TDRD6: variants seen among roughly 807,000 people sequenced by gnomAD.
TDRD6 encodes tudor domain-containing protein 6.
Under a neutral mutation model 157.5 loss-of-function variants are expected in TDRD6, and 186 were observed. That is an observed-to-expected ratio of 1.18 (90% CI 1.05 to 1.33). The LOEUF (loss-of-function observed/expected upper bound fraction) is 1.33. Ranked by LOEUF, TDRD6 falls within the 40% of genes most tolerant of loss-of-function variation. TDRD6 has a pLI of 0.00. For synonymous variants in TDRD6, 1,075 were observed against 945.2 expected (o/e 1.14, Z -2.52); for missense variants, 3,066 against 2,508.0 (o/e 1.22, Z -4.75).
Position 46,692,765 on chromosome 6 carries a change from G to GT in TDRD6, c.4640dup (p.Leu1547PhefsTer40). 1 of 1,614,208 alleles carries GT rather than the reference G, an allele frequency of 6.2e-7. No individual in the cohort carries two copies. The highest frequency in any genetic ancestry group is 8.5e-7 in the Non-Finnish European group (1 of 1,180,026). On this transcript the variant is annotated frameshift_variant, in exon 1 of 4. Transcript: ENST00000316081. LOFTEE classifies it high-confidence loss of function. ...TTTGCTGATACGGAGAAACTTCAGT[G>GT]TTTAGAAGTAGAAGTACAGACTGCT... is the stretch of plus-strand genomic sequence containing the variant.
At chr6:46,696,049 C>A in intron 2 of TDRD6, 104 bp downstream of exon 2, 1 of 1,261,268 alleles carries the variant, frequency 7.9e-7, no homozygotes, top group Non-Finnish European at 1.1e-6. Context: ...CAAATGTTTA[C>A]TTGCTTGTTC....
rs1238525802 is a variant in TDRD6, at chr6:46,688,798, G to A, written c.670G>A (p.Val224Ile). 4 of 1,611,214 alleles carry A rather than the reference G, an allele frequency of 2.5e-6. No homozygotes were observed. Among genetic ancestry groups the A allele is most frequent in the East Asian group, 4.5e-5 (2 of 44,878 alleles). ...TAATASVGSGVPVLSRVPLKQ... is the reference protein window; with the variant it reads ...TAATASVGSGIPVLSRVPLKQ... ...GGCCACTGCTAGCGTGGGCTCCGGGGTCCCGGTTCTCTCGCGAGTCCCGCT... is the reference window on the plus strand; with the variant it reads ...GGCCACTGCTAGCGTGGGCTCCGGGATCCCGGTTCTCTCGCGAGTCCCGCT... Residue 224 changes from valine to isoleucine, a missense_variant, in exon 1 of 4, where the codon GTC becomes ATC. Coordinates refer to ENST00000316081, the MANE Select transcript of TDRD6 (RefSeq NM_001010870.3).
In TDRD6 at chr6:46,693,495, T is replaced by TA; in HGVS notation, c.5368dup (p.Thr1790AsnfsTer2). Reference sequence around the variant, plus strand: ...AAAACCCCTGCAAAGATAAAATTGATACTGAGGAACTGGAAGGTGAATTAG... The same window carrying TA: ...AAAACCCCTGCAAAGATAAAATTGATAACTGAGGAACTGGAAGGTGAATTAG... On this transcript the variant is annotated frameshift_variant, in exon 1 of 4. Transcript: ENST00000316081. LOFTEE classifies it high-confidence loss of function. The TA allele has an allele frequency of 6.2e-7, 1 of 1,613,810 alleles. No homozygotes were observed. The highest frequency in any genetic ancestry group is 8.5e-7 in the Non-Finnish European group (1 of 1,179,930).
Position 46,688,669 on chromosome 6 carries a change from C to T in TDRD6, c.541C>T (p.Leu181Phe), listed in dbSNP as rs1485490957. The T allele has an allele frequency of 6.3e-7, 1 of 1,599,928 alleles. No homozygotes were observed. Among genetic ancestry groups the T allele is most frequent in the Non-Finnish European group, 8.5e-7 (1 of 1,179,862 alleles). ...CGTGCTGCTGCTCCATCGCCTGGTC[C>T]TCCTGGAGGTGCCTGATGTGTTCCA... ...LDVLLLHRLV[L>F]LEVPDVFQQM... The change falls in exon 1 of 4, where the codon CTC becomes TTC. Residue 181 changes from leucine to phenylalanine, a missense_variant. Leu to Phe is a conservative substitution (Grantham distance 22). Coordinates refer to ENST00000316081, the MANE Select transcript of TDRD6 (RefSeq NM_001010870.3).
At position 46,690,361 on chromosome 6, in the gene TDRD6, G is replaced by GC. The variant is rs1562054515; in HGVS notation, c.2234dup (p.Ser746IlefsTer14). On this transcript the variant is annotated frameshift_variant, in exon 1 of 4. Transcript: ENST00000316081. LOFTEE classifies it high-confidence loss of function. ...AGTTGTGCAGGAAAAAGTGAAAAGA[G>GC]CATCTGTTTATTTTCCTCTTATGCA... The GC allele has an allele frequency of 6.2e-7, 1 of 1,613,666 alleles. No individual in the cohort carries two copies. The highest frequency in any genetic ancestry group is 8.5e-7 in the Non-Finnish European group (1 of 1,180,014).
chr6:46,699,374 G>A (rs1472622229), intron 3 of TDRD6, among the ~76,000 whole-genome samples: 1 of 152,176 alleles, frequency 6.6e-6, no homozygotes, highest in Non-Finnish European at 1.5e-5. Context: ...TGGCTAGAGA[G>A]ACGGGTCATC....
chr6:46,686,450 AC>A (rs1329944944), upstream of TDRD6, among the ~76,000 whole-genome samples: 2 of 150,766 alleles, frequency 1.3e-5, no homozygotes, highest in Non-Finnish European at 2.9e-5. Flanking sequence ...ACAGAGAGCT[AC>A]AAAATATAAT....
chr6:46,698,593 G>T (rs1764551927), intron 3 of TDRD6, among the ~76,000 whole-genome samples: 1 of 152,128 alleles, frequency 6.6e-6, no homozygotes, highest in Non-Finnish European at 1.5e-5. Flanking sequence ...ATTATGATGT[G>T]TCTGGGCATT....
intron 1 of TDRD6, among the ~76,000 whole-genome samples, chr6:46,694,738 GGTAATCACATTTAAAAT>G (rs919821413): frequency 1.3e-5 from 2 of 152,048 alleles, no homozygotes; most frequent in Non-Finnish European, 2.9e-5. Context: ...GTCTCCAAAA[GGTAATCACATTTAAAAT>G]GTAATCACAT....
At position 46,689,798 on chromosome 6, in the gene TDRD6, T is replaced by A. The variant is rs1362481188; in HGVS notation, c.1670T>A (p.Val557Asp). The A allele has an allele frequency of 1.2e-6, 2 of 1,614,076 alleles. No homozygotes were observed. Among genetic ancestry groups the A allele is most frequent in the Non-Finnish European group, 1.7e-6 (2 of 1,180,044 alleles). ...WKENGYYRAIVTKLDDKSVDV... is the reference protein window; with the variant it reads ...WKENGYYRAIDTKLDDKSVDV... The stretch of plus-strand genomic sequence containing the variant: ...GAAAATGGTTATTATAGGGCCATAG[T>A]CACCAAATTGGATGACAAGAGTGTG... Residue 557 changes from valine to aspartate, a missense_variant, in exon 1 of 4, where the codon GTC becomes GAC. Coordinates refer to ENST00000316081, the MANE Select transcript of TDRD6 (RefSeq NM_001010870.3).
In TDRD6 at chr6:46,691,747, G is replaced by A. The variant is rs761813208; in HGVS notation, c.3619G>A (p.Glu1207Lys). 36 of 1,591,492 alleles carry A rather than the reference G, an allele frequency of 2.3e-5. No homozygotes were observed. The highest frequency in any genetic ancestry group is 3.4e-4 in the Middle Eastern group (2 of 5,934). ...KSVGYKLPNK[E>K]ILEESYKPQI... ...AGTAGGGTACAAGTTACCTAATAAAGAAATTTTGGAAGAGTCATATAAACC... is the reference window on the plus strand; with the variant it reads ...AGTAGGGTACAAGTTACCTAATAAAAAAATTTTGGAAGAGTCATATAAACC... Residue 1207 changes from glutamate to lysine, a missense_variant, in exon 1 of 4, where the codon GAA becomes AAA. Physicochemically the swap from Glu to Lys is moderately conservative, Grantham distance 56. Transcript: ENST00000316081.
chr6:46,691,652 C>A lies in TDRD6; in HGVS notation c.3524C>A (p.Ser1175Tyr). 1.2e-6 allele frequency: 2 copies of A among 1,612,888 alleles called. No individual in the cohort carries two copies. Among genetic ancestry groups the A allele is most frequent in the South Asian group, 1.1e-5 (1 of 90,942 alleles). ...IRKKESEVLC[S>Y]TTETLEEKNE... The stretch of plus-strand genomic sequence containing the variant: ...AAAAAAGAAAGTGAAGTCCTCTGTT[C>A]TACAACTGAAACTCTTGAAGAAAAA... The change falls in exon 1 of 4, where the codon TCT (serine) becomes TAT (tyrosine). Residue 1175 changes from serine (S) to tyrosine (Y), a missense_variant. By Grantham distance (144) the Ser-to-Tyr change is moderately radical (BLOSUM62 -2). Transcript: ENST00000316081.
upstream of TDRD6, among the ~76,000 whole-genome samples, chr6:46,683,526 CTATT>C (rs202189434): frequency 8.7e-4 from 132 of 151,950 alleles, no homozygotes; most frequent in East Asian, 0.017. Context: ...TCAAAAGACA[CTATT>C]TAAGGGAATA....
chr6:46,686,613 GA>G (rs1239894593), upstream of TDRD6, among the ~76,000 whole-genome samples: 4 of 151,918 alleles, frequency 2.6e-5, no homozygotes, highest in South Asian at 2.1e-4. Flanking sequence ...GAAACAATTA[GA>G]AAAAAAATGG....
chr6:46,688,012 A>G lies in TDRD6; in HGVS notation c.-117A>G, dbSNP rs1764152791. The G allele has an allele frequency of 7.3e-7, 1 of 1,368,242 alleles. No homozygotes were observed. The highest frequency in any genetic ancestry group is 1.5e-5 in the African/African-American group (1 of 64,842). The allele number at this position is 1,368,242 out of a possible 1,614,324, so 84.8% of individuals were successfully genotyped here. A position where few individuals can be genotyped will look rare whatever the true frequency, so the allele number is the denominator to read the frequency against. The stretch of plus-strand genomic sequence containing the variant: ...GGCCTCGCCGGCATTCTTCCCCTCC[A>G]CTGGGTCCTTTGAACCTAGTTTGGC... On this transcript the variant is annotated 5_prime_UTR_variant, in exon 1 of 4. Transcript: ENST00000316081.
chr6:46,694,120 G>C lies in TDRD6; in HGVS notation c.5992G>C (p.Glu1998Gln). The C allele has an allele frequency of 6.2e-7, 1 of 1,600,060 alleles. No homozygotes were observed. The highest frequency in any genetic ancestry group is 1.1e-5 in the South Asian group (1 of 88,046). The change falls in exon 1 of 4, where the codon GAA (glutamate) becomes CAA (glutamine). Residue 1998 changes from glutamate (E) to glutamine (Q), a missense_variant. Physicochemically the swap from Glu to Gln is conservative, Grantham distance 29. Transcript: ENST00000316081. Reference sequence around the variant, plus strand: ...GGCATTGATGCCTTTGTTCTCTGAGGAAGAAAGCAGTGATGGAAGCAAGCA... The same window carrying C: ...GGCATTGATGCCTTTGTTCTCTGAGCAAGAAAGCAGTGATGGAAGCAAGCA... ...ISALMPLFSE[E>Q]ESSDGSKHNN...
upstream of TDRD6, among the ~76,000 whole-genome samples, chr6:46,685,353 T>C (rs886827257): frequency 1.3e-5 from 2 of 152,188 alleles, no homozygotes; most frequent in East Asian, 3.8e-4. Flanking sequence ...ATAGAAACTA[T>C]AGACTGTAAA....
rs1198626708 is a variant in TDRD6 at position 46,691,430 on chromosome 6, C to G, written c.3302C>G (p.Ser1101Cys). Reference protein sequence around the residue: ...LPMQAVRCSLSDIPDHIPEEV... With the variant: ...LPMQAVRCSLCDIPDHIPEEV... Reference sequence around the variant, plus strand: ...ATGCAAGCTGTCAGATGTTCATTATCTGATATTCCTGATCATATACCAGAA... The same window carrying G: ...ATGCAAGCTGTCAGATGTTCATTATGTGATATTCCTGATCATATACCAGAA... Residue 1101 changes from serine (S) to cysteine (C), a missense_variant, in exon 1 of 4, where the codon TCT becomes TGT. Coordinates refer to ENST00000316081, the MANE Select transcript of TDRD6 (RefSeq NM_001010870.3). 6.2e-7 allele frequency: 1 copy of G among 1,614,058 alleles called. No homozygotes were observed. The highest frequency in any genetic ancestry group is 1.7e-5 in the Admixed American group (1 of 60,026).
chr6:46,692,876 A>G lies in TDRD6; in HGVS notation c.4748A>G (p.His1583Arg), dbSNP rs1414124880. The G allele has an allele frequency of 1.2e-5, 20 of 1,614,134 alleles. No individual in the cohort carries two copies. The highest frequency in any genetic ancestry group is 3.3e-5 in the South Asian group (3 of 91,084). ...PCIVRYREDGHYYRALITNIC... is the reference protein window; with the variant it reads ...PCIVRYREDGRYYRALITNIC... Reference sequence around the variant, plus strand: ...ATAGTAAGATACAGAGAAGATGGACATTATTATAGGGCACTTATCACTAAT... The same window carrying G: ...ATAGTAAGATACAGAGAAGATGGACGTTATTATAGGGCACTTATCACTAAT... Residue 1583 changes from histidine to arginine, a missense_variant, in exon 1 of 4, where the codon CAT becomes CGT. Coordinates refer to ENST00000316081, the MANE Select transcript of TDRD6 (RefSeq NM_001010870.3).
Sources: gnomAD v4.1 joint callset for allele counts (sites outside exome capture counted in the v4.1 genomes callset) on GRCh38, gnomAD v4.1.1 for gene constraint, MANE v1.5 for transcripts, NCBI Gene and HGNC (gene_info 2026-07-23, HGNC 2026-07-21) for gene names.